NLGN1: variants seen among roughly 807,000 people sequenced by gnomAD.
NLGN1 encodes neuroligin-1.
A neutral mutation model predicts 65.5 loss-of-function variants in NLGN1; 12 were observed. The observed-to-expected ratio is 0.18, with a 90% CI of 0.12 to 0.30. The LOEUF is 0.30. Ranked by LOEUF, NLGN1 falls within the 10% of genes least tolerant of loss-of-function variation. The pLI is 1.00. For synonymous variants in NLGN1, 350 were observed against 359.5 expected (o/e 0.97, Z 0.30); for missense variants, 750 against 1,007.1 (o/e 0.74, Z 3.46).
intron 4 of NLGN1, among the ~76,000 whole-genome samples, chr3:174,174,913 C>T (rs1729174609): frequency 6.6e-6 from 1 of 151,954 alleles, no homozygotes; most frequent in Non-Finnish European, 1.5e-5. Flanking sequence ...GACCCCCAAT[C>T]ATTCAGAAGC....
chr3:173,949,086 T>TA (rs1299740583), intron 4 of NLGN1, among the ~76,000 whole-genome samples: 2 of 152,080 alleles, frequency 1.3e-5, no homozygotes, highest in African/African-American at 2.4e-5. Context: ...TAGAAACAGC[T>TA]AAACAAGATA....
At chr3:173,410,716 A>G (rs1354054967) in intron 1 of NLGN1, among the ~76,000 whole-genome samples, 6 of 152,210 alleles carry the variant, frequency 3.9e-5, no homozygotes, top group Non-Finnish European at 5.9e-5. Context: ...ATCATTTTCT[A>G]TACATGTTTA....
At chr3:174,180,909 G>A (rs1730284984) in intron 4 of NLGN1, 2 of 138,740 alleles carry the variant, frequency 1.4e-5, no homozygotes, top group African/African-American at 3.0e-5. Flanking sequence ...CTTCTTTGGG[G>A]GAAAAAAAAG....
chr3:174,165,176 T>C (rs1727269001), intron 4 of NLGN1, among the ~76,000 whole-genome samples: 1 of 151,850 alleles, frequency 6.6e-6, no homozygotes, highest in Non-Finnish European at 1.5e-5. Context: ...TTTCTTTTAT[T>C]ATTTGAATGC....
intron 2 of NLGN1, among the ~76,000 whole-genome samples, chr3:173,530,289 G>C (rs1736351908): frequency 6.6e-6 from 1 of 152,156 alleles, no homozygotes; most frequent in Admixed American, 6.5e-5. Flanking sequence ...AGTTGCACCA[G>C]CCTTGTTTTC....
intron 3 of NLGN1, among the ~76,000 whole-genome samples, chr3:173,605,924 G>A (rs1235113285): frequency 6.6e-6 from 1 of 151,986 alleles, no homozygotes; most frequent in Non-Finnish European, 1.5e-5. Context: ...CTTAGGAACT[G>A]GTAACTTTGA....
intron 4 of NLGN1, among the ~76,000 whole-genome samples, chr3:174,154,162 AT>A (rs1724907901): frequency 6.6e-6 from 1 of 152,008 alleles, no homozygotes; most frequent in Non-Finnish European, 1.5e-5. Flanking sequence ...TAAGAATAGC[AT>A]TTTTTTCTTC....
chr3:174,109,079 A>G (rs1461964839), intron 4 of NLGN1, among the ~76,000 whole-genome samples: 2 of 152,100 alleles, frequency 1.3e-5, no homozygotes, highest in Non-Finnish European at 2.9e-5. Flanking sequence ...TTTTTAAATA[A>G]CCTTTACAAT....
At chr3:173,441,315 G>C (rs73032453) in intron 2 of NLGN1, among the ~76,000 whole-genome samples, 1,528 of 152,150 alleles carry the variant, frequency 0.01, 34 homozygotes, top group African/African-American at 0.036. Context: ...TTTTCTTCAC[G>C]ATCTTTTCCT....
chr3:173,901,538 C>G (rs1272481288), intron 4 of NLGN1, among the ~76,000 whole-genome samples: 1 of 151,812 alleles, frequency 6.6e-6, no homozygotes, highest in African/African-American at 2.4e-5. Flanking sequence ...TCAGGGTATG[C>G]ATATTCTGTA....
At chr3:173,645,114 T>G (rs1278051052) in intron 3 of NLGN1, among the ~76,000 whole-genome samples, 2 of 152,218 alleles carry the variant, frequency 1.3e-5, no homozygotes, top group African/African-American at 2.4e-5. Context: ...TCATCTGGAT[T>G]TAGTTGGACT....
intron 4 of NLGN1, among the ~76,000 whole-genome samples, chr3:173,908,914 A>G (rs575143140): frequency 6.6e-6 from 1 of 152,242 alleles, no homozygotes; most frequent in Admixed American, 6.5e-5. Flanking sequence ...AGCTTTATTA[A>G]TTTATCTAAA....
chr3:173,733,958 T>G (rs1410148131), intron 3 of NLGN1, among the ~76,000 whole-genome samples: 1 of 152,064 alleles, frequency 6.6e-6, no homozygotes, highest in Non-Finnish European at 1.5e-5. Context: ...ATGACTAGGT[T>G]TTATGTCATT....
rs187750980 is a variant in NLGN1, at chr3:173,661,079, T to G, written c.493+55988T>G. Reference sequence around the variant, plus strand: ...GTGTGTGCCAGTAATCCACTTGAGATTGTTCATGCCTTTCATTCTGTGTGT... The same window carrying G: ...GTGTGTGCCAGTAATCCACTTGAGAGTGTTCATGCCTTTCATTCTGTGTGT... On this transcript the variant is annotated intron_variant, in intron 3 of 6. Coordinates refer to ENST00000457714, the Ensembl canonical transcript of NLGN1. 1.2e-4 allele frequency among the ~76,000 whole-genome samples: 19 copies of G among 152,094 alleles called. No individual in the cohort carries two copies. In the East Asian group the frequency reaches 3.7e-3, roughly 29 times the overall value.
Position 174,280,516 on chromosome 3 carries a change from T to C in NLGN1, c.1685T>C (p.Phe562Ser), listed in dbSNP as rs1751360862. 6.2e-7 allele frequency: 1 copy of C among 1,611,418 alleles called. No individual in the cohort carries two copies. The stretch of plus-strand genomic sequence containing the variant: ...CAACCAGTCCCTCAAGACACGAAAT[T>C]CATTCATACCAAACCCAACCGTTTT... Residue 562 changes from phenylalanine to serine, a missense_variant, in exon 7 of 7, where the codon TTC (phenylalanine) becomes TCC (serine). Transcript: ENST00000457714. The surrounding 1 kb of genome is among the most constrained non-coding windows in gnomAD (Gnocchi z 4.9).
At chr3:173,556,082 C>T (rs1156759897) in intron 2 of NLGN1, among the ~76,000 whole-genome samples, 1 of 152,078 alleles carries the variant, frequency 6.6e-6, no homozygotes, top group African/African-American at 2.4e-5. Flanking sequence ...CCTTATTCAC[C>T]TAACGTCCCT....
At chr3:173,745,024 A>G (rs1775165646) in intron 3 of NLGN1, among the ~76,000 whole-genome samples, 2 of 152,090 alleles carry the variant, frequency 1.3e-5, no homozygotes, top group Admixed American at 6.6e-5. Flanking sequence ...TGTTGGATCC[A>G]TGATGCACAT....
intron 3 of NLGN1, among the ~76,000 whole-genome samples, chr3:173,758,540 A>G (rs185972620): frequency 1.1e-4 from 16 of 152,120 alleles, no homozygotes; most frequent in Non-Finnish European, 2.1e-4. Flanking sequence ...ACAGTACTTT[A>G]TAGCTTACAA....
At chr3:173,410,321 A>G (rs1246926013) in intron 1 of NLGN1, among the ~76,000 whole-genome samples, 1 of 152,198 alleles carries the variant, frequency 6.6e-6, no homozygotes, top group African/African-American at 2.4e-5. Context: ...ATACATAAAC[A>G]CGGACACACT....
Sources: gnomAD v4.1 joint callset for allele counts (sites outside exome capture counted in the v4.1 genomes callset) on GRCh38, gnomAD v4.1.1 for gene constraint, Gnocchi (gnomAD v3.1) non-coding constraint, MANE v1.5 for transcripts, NCBI Gene and HGNC (gene_info 2026-07-23, HGNC 2026-07-21) for gene names.